The following HDAC9 variants were observed in gnomAD, a reference collection of about 807,000 sequenced individuals.
HDAC9 encodes MEF-2 interacting transcription repressor (MITR) protein.
A neutral mutation model predicts 139.4 loss-of-function variants in HDAC9; 41 were observed. The ratio of observed to expected loss-of-function variants is 0.29; its 90% CI spans 0.23 to 0.38. The LOEUF is 0.38. Ranked by LOEUF, HDAC9 falls within the 10% of genes least tolerant of loss-of-function variation. HDAC9 has a pLI of 1.00. For synonymous variants in HDAC9, 517 were observed against 476.2 expected (o/e 1.09, Z -1.12); for missense variants, 1,147 against 1,297.0 (o/e 0.88, Z 1.78).
chr7:18,717,233 G>C (rs1784767126), intron 12 of HDAC9, among the ~76,000 whole-genome samples: 1 of 151,988 alleles, frequency 6.6e-6, no homozygotes, highest in Non-Finnish European at 1.5e-5. Flanking sequence ...TCTGTTGCTG[G>C]TGAGCATACA....
chr7:18,784,088 G>A (rs147094797), intron 16 of HDAC9, among the ~76,000 whole-genome samples: 75 of 151,366 alleles, frequency 5.0e-4, no homozygotes, highest in African/African-American at 1.7e-3. Flanking sequence ...GCCCTAATCT[G>A]TACCCCTTCT....
At chr7:18,672,356 G>A (rs1795722264) in intron 12 of HDAC9, among the ~76,000 whole-genome samples, 1 of 151,962 alleles carries the variant, frequency 6.6e-6, no homozygotes, top group Admixed American at 6.6e-5. Flanking sequence ...ACTTCATTAG[G>A]AGCAACATCT....
intron 2 of HDAC9, among the ~76,000 whole-genome samples, chr7:18,577,387 G>T (rs1700640172): frequency 1.3e-5 from 2 of 152,132 alleles, no homozygotes; most frequent in Non-Finnish European, 2.9e-5. Context: ...GTTTTTGGTG[G>T]CATAGGGAGG....
At position 18,996,434 on chromosome 7, in the gene HDAC9, C is replaced by T. The variant is rs1303561876; in HGVS notation, c.*372C>T. ...CTATGACAGCCAGTGAAATTTTGGG[C>T]AAAACCTGAGACATAGTCATTCCTG... On this transcript the variant is annotated 3_prime_UTR_variant, in exon 26 of 26. Transcript: ENST00000686413. 3 of 170,406 alleles carry T rather than the reference C, an allele frequency of 1.8e-5. No individual in the cohort carries two copies. Among genetic ancestry groups the T allele is most frequent in the African/African-American group, 4.8e-5 (2 of 41,944 alleles). The allele number at this position is 170,406 out of a possible 1,614,324, so 10.6% of individuals were successfully genotyped here. A position where few individuals can be genotyped will look rare whatever the true frequency, so the allele number is the denominator to read the frequency against.
At chr7:18,201,107 G>A (rs896705531) in intron 2 of HDAC9, among the ~76,000 whole-genome samples, 2 of 152,120 alleles carry the variant, frequency 1.3e-5, no homozygotes, top group African/African-American at 2.4e-5. Context: ...GATGGAACTC[G>A]TGTCCGCCTC....
chr7:18,121,353 G>C (rs554088319), intron 1 of HDAC9, among the ~76,000 whole-genome samples: 3 of 152,078 alleles, frequency 2.0e-5, no homozygotes, highest in South Asian at 4.2e-4. Context: ...ACTTCCACAG[G>C]GTGTCGGGTT....
At chr7:18,926,114 C>T (rs566444850) in intron 22 of HDAC9, among the ~76,000 whole-genome samples, 186 of 152,106 alleles carry the variant, frequency 1.2e-3, no homozygotes, top group African/African-American at 4.3e-3. Flanking sequence ...TCTGGGAGGC[C>T]GAGGCAGGAG....
At chr7:18,964,580 C>T (rs1585421817) in intron 24 of HDAC9, among the ~76,000 whole-genome samples, 1 of 152,270 alleles carries the variant, frequency 6.6e-6, no homozygotes, top group Admixed American at 6.5e-5. Flanking sequence ...TAAACAACTG[C>T]CCAACACTGG....
intron 1 of HDAC9, among the ~76,000 whole-genome samples, chr7:18,422,915 G>T (rs1353606851): frequency 1.3e-5 from 2 of 152,098 alleles, no homozygotes; most frequent in African/African-American, 4.8e-5. Context: ...GAGAGGTTAG[G>T]TCTCAAAACT....
At chr7:18,982,809 C>A (rs1418259017) in intron 25 of HDAC9, among the ~76,000 whole-genome samples, 1 of 152,070 alleles carries the variant, frequency 6.6e-6, no homozygotes, top group Non-Finnish European at 1.5e-5. Context: ...ATTGACAATC[C>A]GGAGTTTCTT....
chr7:18,602,819 C>T (rs1047046838), intron 6 of HDAC9, among the ~76,000 whole-genome samples: 4 of 151,972 alleles, frequency 2.6e-5, no homozygotes, highest in Admixed American at 2.0e-4. Context: ...TGAGAAAATA[C>T]TGTGTACACA....
At chr7:18,711,546 T>C (rs1427949353) in intron 12 of HDAC9, among the ~76,000 whole-genome samples, 1 of 152,230 alleles carries the variant, frequency 6.6e-6, no homozygotes, top group Non-Finnish European at 1.5e-5. Flanking sequence ...TGTTGAGGAA[T>C]GAGTCTGTGC....
chr7:18,689,912 A>G (rs1782552739), intron 12 of HDAC9, among the ~76,000 whole-genome samples: 1 of 152,040 alleles, frequency 6.6e-6, no homozygotes, highest in South Asian at 2.1e-4. Context: ...ATATATCTAT[A>G]AGTCAGGACA....
chr7:18,427,649 C>G (rs1382120032), intron 1 of HDAC9, among the ~76,000 whole-genome samples: 3 of 151,558 alleles, frequency 2.0e-5, no homozygotes, highest in African/African-American at 7.3e-5. Context: ...TCCTTAATCC[C>G]CTTCCCCTCC....
chr7:18,214,932 A>G (rs966256942), intron 2 of HDAC9, among the ~76,000 whole-genome samples: 4 of 152,080 alleles, frequency 2.6e-5, no homozygotes, highest in African/African-American at 4.8e-5. Context: ...TACTGTTGGT[A>G]TTATTTTCAT....
At chr7:18,423,787 G>C (rs1437421920) in intron 1 of HDAC9, among the ~76,000 whole-genome samples, 1 of 152,160 alleles carries the variant, frequency 6.6e-6, no homozygotes, top group Admixed American at 6.5e-5. Context: ...CTGTTTAAAG[G>C]CTTGGCTCAG....
intron 21 of HDAC9, among the ~76,000 whole-genome samples, chr7:18,848,139 C>G (rs1369053647): frequency 6.6e-6 from 1 of 152,022 alleles, no homozygotes; most frequent in Non-Finnish European, 1.5e-5. Context: ...TATTAGGAAC[C>G]CAGGGAGACC....
chr7:18,429,551 G>C (rs768715946), intron 1 of HDAC9, among the ~76,000 whole-genome samples: 2 of 149,830 alleles, frequency 1.3e-5, no homozygotes, highest in Non-Finnish European at 3.0e-5. Flanking sequence ...GTGTGTATTT[G>C]TGTGTGTGTG....
At chr7:18,785,329 A>C (rs1286264281) in intron 16 of HDAC9, among the ~76,000 whole-genome samples, 1 of 145,362 alleles carries the variant, frequency 6.9e-6, no homozygotes, top group African/African-American at 2.6e-5. Context: ...GTTGTATACC[A>C]AAAAAAAAAA....
Sources: allele counts gnomAD v4.1 joint callset (sites outside exome capture counted in the v4.1 genomes callset), GRCh38; gene constraint gnomAD v4.1.1; transcripts MANE v1.5; gene names NCBI Gene and HGNC (gene_info 2026-07-23, HGNC 2026-07-21).